Variants in CABIN1 observed in about 807,000 individuals in gnomAD.
CABIN1 encodes the protein calcineurin-binding protein cabin-1.
CABIN1 carries 133 observed loss-of-function variants against 227.7 expected under a neutral mutation model. The observed-to-expected ratio is 0.58, with a 90% CI of 0.51 to 0.67. The LOEUF (loss-of-function observed/expected upper bound fraction) is 0.67, where lower values mean the gene tolerates loss of function less well. Among genes scored for constraint, CABIN1 ranks in the 30% least tolerant of loss-of-function variants. The pLI is 0.00. For synonymous variants in CABIN1, 1,086 were observed against 1,155.1 expected (o/e 0.94, Z 1.21); for missense variants, 2,408 against 2,852.5 (o/e 0.84, Z 3.55).
intron 23 of CABIN1, among the ~76,000 whole-genome samples, chr22:24,088,139 G>C (rs984151252): frequency 6.6e-6 from 1 of 152,134 alleles, no homozygotes; most frequent in Non-Finnish European, 1.5e-5. Flanking sequence ...ACTGAGTCTG[G>C]CCCTTAGGTC....
At chr22:24,126,074 C>T (rs184468048) in intron 28 of CABIN1, among the ~76,000 whole-genome samples, 5 of 152,236 alleles carry the variant, frequency 3.3e-5, no homozygotes, top group African/African-American at 4.8e-5. Context: ...CTACCCACAA[C>T]TGTCCCACAA....
chr22:24,093,648 G>A (rs1195715531), intron 24 of CABIN1, among the ~76,000 whole-genome samples: 1 of 152,256 alleles, frequency 6.6e-6, no homozygotes, highest in African/African-American at 2.4e-5. Context: ...TTGAGTCCAG[G>A]AGTTTGAGAT....
chr22:24,087,306 A>G lies in CABIN1; in HGVS notation c.3264-146A>G, dbSNP rs375593197. ...GACTGGTCTGGGTCATGGTCATGGC[A>G]TTAGTGAGTGGCAGAGTTGGGCTCT... is the stretch of plus-strand genomic sequence containing the variant. On this transcript the variant is annotated intron_variant, in intron 22 of 36. Transcript: ENST00000263119. 17 of 982,828 alleles carry G rather than the reference A, an allele frequency of 1.7e-5. No homozygotes were observed. The African/African-American group carries it at 2.2e-4, about 13-fold the overall frequency. The allele number at this position is 982,828 out of a possible 1,614,324, so 60.9% of individuals were successfully genotyped here. A position where few individuals can be genotyped will look rare whatever the true frequency, so the allele number is the denominator to read the frequency against.
intron 10 of CABIN1, among the ~76,000 whole-genome samples, chr22:24,057,077 C>T (rs927556506): frequency 5.9e-5 from 9 of 152,160 alleles, no homozygotes; most frequent in Admixed American, 2.0e-4. Context: ...GCTGGGACTA[C>T]AGGTGCCTGC....
At chr22:24,171,100 C>T (rs1401555877) in intron 33 of CABIN1, among the ~76,000 whole-genome samples, 3 of 152,172 alleles carry the variant, frequency 2.0e-5, no homozygotes, top group Admixed American at 1.3e-4. Context: ...ACTCGGAGGC[C>T]CCTAGGGCCC....
chr22:24,102,618 G>A (rs538685401), intron 26 of CABIN1, among the ~76,000 whole-genome samples: 2 of 152,320 alleles, frequency 1.3e-5, no homozygotes, highest in East Asian at 3.9e-4. Flanking sequence ...AGAAACCTGG[G>A]CCTGTTGGTG....
In CABIN1 at chr22:24,176,154, G is replaced by A. The variant is rs138472434; in HGVS notation, c.6084G>A (p.Pro2028=). The A allele has an allele frequency of 6.0e-5, 97 of 1,610,718 alleles. No homozygotes were observed. Among genetic ancestry groups the A allele is most frequent in the Admixed American group, 1.3e-4 (8 of 59,756 alleles). Residue 2028 remains proline, a synonymous_variant, in exon 35 of 37, where the codon CCG becomes CCA. Coordinates refer to ENST00000263119, the MANE Select transcript of CABIN1 (RefSeq NM_012295.4). ...LARVAEGTSF[P]PQEPRHSPQV... is the part of the protein sequence containing the mutation. ...GAGTGGCAGAGGGCACCAGCTTCCC[G>A]CCTCAGGAGCCACGGCACAGTCCGC...
At chr22:24,134,987 G>A (rs1397105782) in intron 29 of CABIN1, among the ~76,000 whole-genome samples, 1 of 152,128 alleles carries the variant, frequency 6.6e-6, no homozygotes, top group Admixed American at 6.5e-5. Flanking sequence ...TGAGGCAGGA[G>A]AATTGCTTGA....
intron 12 of CABIN1, 44 bp from the exon 13 acceptor site, chr22:24,061,903 G>A: frequency 7.0e-6 from 10 of 1,430,880 alleles, no homozygotes; most frequent in Non-Finnish European, 9.9e-6. Context: ...ACTGTGAAGA[G>A]GCTTTGTGAT....
intron 26 of CABIN1, among the ~76,000 whole-genome samples, chr22:24,101,087 G>A (rs1450412119): frequency 6.6e-6 from 1 of 152,182 alleles, no homozygotes; most frequent in African/African-American, 2.4e-5. Flanking sequence ...GCTTGGGCAT[G>A]GGGCTTTCTG....
chr22:24,090,656 G>T (rs540717970), intron 23 of CABIN1, among the ~76,000 whole-genome samples: 9 of 151,986 alleles, frequency 5.9e-5, no homozygotes, highest in Non-Finnish European at 1.3e-4. Context: ...TCCAAGGGCC[G>T]GCTCAACCTG....
intron 29 of CABIN1, among the ~76,000 whole-genome samples, chr22:24,148,609 G>C (rs988913727): frequency 3.9e-5 from 6 of 152,244 alleles, no homozygotes; most frequent in Non-Finnish European, 8.8e-5. Flanking sequence ...TGACTTCCTG[G>C]TCTTGGCCCC....
At chr22:24,175,526 C>T (rs988501386) in intron 34 of CABIN1, among the ~76,000 whole-genome samples, 5 of 152,196 alleles carry the variant, frequency 3.3e-5, no homozygotes, top group Non-Finnish European at 5.9e-5. Context: ...GCCTGGGAAC[C>T]GGGGACCGAT....
intron 19 of CABIN1, among the ~76,000 whole-genome samples, chr22:24,079,913 T>C (rs1416589746): frequency 2.0e-5 from 3 of 152,196 alleles, no homozygotes; most frequent in Non-Finnish European, 4.4e-5. Flanking sequence ...CTTTTAACTA[T>C]GTGTATGGTA....
chr22:24,163,657 C>T (rs976574780), intron 29 of CABIN1, among the ~76,000 whole-genome samples: 3 of 152,224 alleles, frequency 2.0e-5, no homozygotes, highest in South Asian at 2.1e-4. Context: ...TCATCACTCA[C>T]TCCCTGCTTT....
intron 1 of CABIN1, among the ~76,000 whole-genome samples, chr22:24,020,582 G>C (rs997726388): frequency 5.3e-5 from 8 of 152,128 alleles, no homozygotes; most frequent in Non-Finnish European, 1.0e-4. Context: ...TGGGATTATA[G>C]GCAGATTACA....
chr22:24,161,195 G>A (rs2046132387), intron 29 of CABIN1, among the ~76,000 whole-genome samples: 1 of 152,186 alleles, frequency 6.6e-6, no homozygotes, highest in Admixed American at 6.5e-5. Context: ...TGAAGGGTTG[G>A]GGGATTGACT....
At chr22:24,017,162 G>A (rs1365571682) in intron 1 of CABIN1, among the ~76,000 whole-genome samples, 5 of 148,054 alleles carry the variant, frequency 3.4e-5, no homozygotes, top group Non-Finnish European at 5.9e-5. Flanking sequence ...TCAGCCTCCC[G>A]AGTAGCTGGG....
At chr22:24,087,178 G>A (rs1294687909) in intron 22 of CABIN1, among the ~76,000 whole-genome samples, 1 of 152,216 alleles carries the variant, frequency 6.6e-6, no homozygotes, top group African/African-American at 2.4e-5. Flanking sequence ...ATTAGGCGCT[G>A]GGTGATTAAA....
Sources: allele counts gnomAD v4.1 joint callset (sites outside exome capture counted in the v4.1 genomes callset), GRCh38; gene constraint gnomAD v4.1.1; transcripts MANE v1.5; gene names NCBI Gene and HGNC (gene_info 2026-07-23, HGNC 2026-07-21).